PTPRD: variants seen among roughly 807,000 people sequenced by gnomAD.
PTPRD encodes the protein protein tyrosine phosphatase receptor type D.
A neutral mutation model predicts 214.5 loss-of-function variants in PTPRD; 34 were observed. That is an observed-to-expected ratio of 0.16 (90% confidence interval 0.12 to 0.21). PTPRD has a LOEUF of 0.21. PTPRD is among the 10% of genes least tolerant of loss of function. The probability of loss-of-function intolerance (pLI) is 1.00; values close to 1 mark genes in which losing one functional copy is unlikely to be tolerated. For missense variants in PTPRD, 2,545 were observed against 2,398.7 expected (o/e 1.06, Z -1.27); for synonymous variants, 1,128 against 845.7 (o/e 1.33, Z -5.79).
At chr9:9,392,704 G>A (rs953115117) in intron 9 of PTPRD, among the ~76,000 whole-genome samples, 1 of 152,092 alleles carries the variant, frequency 6.6e-6, no homozygotes, top group Admixed American at 6.6e-5. Context: ...TTTCTATAAT[G>A]CATTTCTTCT....
At chr9:10,151,483 G>A (rs1324176347) in intron 3 of PTPRD, among the ~76,000 whole-genome samples, 2 of 151,686 alleles carry the variant, frequency 1.3e-5, no homozygotes, top group African/African-American at 4.8e-5. Flanking sequence ...GGCTGATCTC[G>A]AACTCCTGAC....
chr9:10,065,797 G>C (rs550140517), intron 3 of PTPRD, among the ~76,000 whole-genome samples: 1 of 151,796 alleles, frequency 6.6e-6, no homozygotes, highest in African/African-American at 2.4e-5. Context: ...AGTATTTTCC[G>C]GTGATTAAGA....
intron 9 of PTPRD, among the ~76,000 whole-genome samples, chr9:9,261,650 G>A (rs1209744701): frequency 2.3e-4 from 14 of 61,208 alleles, no homozygotes; most frequent in Admixed American, 7.4e-4. Context: ...GCATGCACGT[G>A]TGTGTGTGTG....
At chr9:9,050,679 C>A (rs1175475491) in intron 10 of PTPRD, among the ~76,000 whole-genome samples, 1 of 95,218 alleles carries the variant, frequency 1.1e-5, no homozygotes, top group African/African-American at 3.4e-5. Flanking sequence ...TGCATCCATG[C>A]TATACATGCT....
At chr9:9,832,744 C>A (rs962694852) in intron 5 of PTPRD, among the ~76,000 whole-genome samples, 4 of 151,888 alleles carry the variant, frequency 2.6e-5, no homozygotes, top group African/African-American at 9.7e-5. Flanking sequence ...TGGATGATGC[C>A]TAGAACTGCA....
intron 10 of PTPRD, among the ~76,000 whole-genome samples, chr9:9,098,761 G>C (rs972926371): frequency 4.6e-5 from 7 of 151,996 alleles, no homozygotes; most frequent in African/African-American, 1.5e-4. Context: ...GGAAAAATTA[G>C]GTATATTTTG....
At chr9:10,456,187 AATAGGAACCT>A (rs1218161959) in intron 2 of PTPRD, among the ~76,000 whole-genome samples, 2 of 151,910 alleles carry the variant, frequency 1.3e-5, no homozygotes, top group African/African-American at 4.8e-5. Flanking sequence ...CAGCAGGAGA[AATAGGAACCT>A]ATAAAAATGT....
chr9:9,900,431 T>C (rs1190127713), intron 5 of PTPRD, among the ~76,000 whole-genome samples: 1 of 152,200 alleles, frequency 6.6e-6, no homozygotes, highest in Non-Finnish European at 1.5e-5. Flanking sequence ...CAAGTGACCT[T>C]TGTTTCAGTT....
chr9:8,716,096 A>G (rs2098431848), intron 12 of PTPRD, among the ~76,000 whole-genome samples: 1 of 152,326 alleles, frequency 6.6e-6, no homozygotes, highest in Middle Eastern at 3.4e-3. Context: ...CAACCAAGCT[A>G]TTTAATTGCG....
At chr9:9,942,920 G>C (rs368007306) in intron 4 of PTPRD, among the ~76,000 whole-genome samples, 5 of 128,870 alleles carry the variant, frequency 3.9e-5, no homozygotes, top group African/African-American at 1.5e-4. Flanking sequence ...TAAAGCTTTT[G>C]TCCCAAGCTT....
At chr9:9,406,363 C>T (rs1405644754) in intron 8 of PTPRD, among the ~76,000 whole-genome samples, 1 of 151,788 alleles carries the variant, frequency 6.6e-6, no homozygotes, top group East Asian at 1.9e-4. Flanking sequence ...AGTTCTATTC[C>T]ATGAAGTAAA....
At chr9:9,998,747 C>T (rs1213536936) in intron 4 of PTPRD, among the ~76,000 whole-genome samples, 4 of 152,124 alleles carry the variant, frequency 2.6e-5, no homozygotes, top group Admixed American at 6.5e-5. Context: ...CACAAGTGCT[C>T]AATTAGCTGA....
At chr9:9,240,565 G>T (rs978451579) in intron 9 of PTPRD, among the ~76,000 whole-genome samples, 2 of 152,082 alleles carry the variant, frequency 1.3e-5, no homozygotes, top group Non-Finnish European at 2.9e-5. Flanking sequence ...CAGCTACTGG[G>T]GAGACTGAGT....
intron 9 of PTPRD, among the ~76,000 whole-genome samples, chr9:9,395,160 G>C (rs1187318149): frequency 3.3e-5 from 5 of 149,702 alleles, no homozygotes; most frequent in Non-Finnish European, 7.4e-5. Context: ...ACTCCCAGTT[G>C]ATGCTGACCC....
chr9:10,310,442 A>C (rs1018057833), intron 3 of PTPRD, among the ~76,000 whole-genome samples: 2 of 152,068 alleles, frequency 1.3e-5, no homozygotes, highest in Admixed American at 6.6e-5. Flanking sequence ...TATTTTAATA[A>C]AGAAGCACAA....
At chr9:10,363,434 T>A (rs1034036866) in intron 2 of PTPRD, among the ~76,000 whole-genome samples, 1 of 152,224 alleles carries the variant, frequency 6.6e-6, no homozygotes, top group Non-Finnish European at 1.5e-5. Context: ...ACTGTCGCCA[T>A]TATTTTAGGA....
At chr9:10,205,572 A>G (rs1658284282) in intron 3 of PTPRD, among the ~76,000 whole-genome samples, 1 of 151,596 alleles carries the variant, frequency 6.6e-6, no homozygotes, top group African/African-American at 2.4e-5. Flanking sequence ...CACCAGCCTA[A>G]TTTTTTATGT....
chr9:8,975,596 T>G (rs558767098), intron 11 of PTPRD, among the ~76,000 whole-genome samples: 29 of 152,106 alleles, frequency 1.9e-4, no homozygotes, highest in African/African-American at 6.5e-4. Flanking sequence ...TTTTCCTATC[T>G]GCAAAGAATA....
At chr9:9,249,223 TTCCTTTC>T (rs780793280) in intron 9 of PTPRD, among the ~76,000 whole-genome samples, 3 of 152,028 alleles carry the variant, frequency 2.0e-5, no homozygotes, top group Non-Finnish European at 4.4e-5. Flanking sequence ...TCTCTCTTGT[TTCCTTTC>T]TCCTCGTGAC....
Sources: gnomAD v4.1 joint callset for allele counts (sites outside exome capture counted in the v4.1 genomes callset) on GRCh38, gnomAD v4.1.1 for gene constraint, MANE v1.5 for transcripts, NCBI Gene and HGNC (gene_info 2026-07-23, HGNC 2026-07-21) for gene names.